RFC1: variants seen among roughly 807,000 people sequenced by gnomAD.
The protein encoded by RFC1 is replication factor C subunit 1.
Under a neutral mutation model 137.4 loss-of-function variants are expected in RFC1, and 37 were observed. That is an observed-to-expected ratio of 0.27 (90% CI 0.21 to 0.35). The LOEUF is 0.35. Among genes scored for constraint, RFC1 ranks in the 10% least tolerant of loss-of-function variants. RFC1 has a pLI of 1.00. For synonymous variants in RFC1, 429 were observed against 455.7 expected (o/e 0.94, Z 0.75); for missense variants, 1,205 against 1,358.5 (o/e 0.89, Z 1.78).
chr4:39,366,268 T>A lies in RFC1; in HGVS notation c.-27A>T. 1 of 1,533,222 alleles carries A rather than the reference T, an allele frequency of 6.5e-7. No homozygotes were observed. Among genetic ancestry groups the A allele is most frequent in the Non-Finnish European group, 8.8e-7 (1 of 1,139,298 alleles). The allele number at this position is 1,533,222 out of a possible 1,614,324, so 95.0% of individuals were successfully genotyped here. On this transcript the variant is annotated 5_prime_UTR_variant, in exon 1 of 25. Transcript: ENST00000349703. Reference sequence around the variant, plus strand: ...GCAGCCCCAGGATGAAGGCGCTGGCTGGCTGGCGGGTGGGCCGGTTGAGGA... The same window carrying A: ...GCAGCCCCAGGATGAAGGCGCTGGCAGGCTGGCGGGTGGGCCGGTTGAGGA...
rs757891211 is a variant in RFC1, at chr4:39,323,389, T to C, written c.671A>G (p.Glu224Gly). 78 of 1,614,096 alleles carry C rather than the reference T, an allele frequency of 4.8e-5. No homozygotes were observed. Among genetic ancestry groups the C allele is most frequent in the Non-Finnish European group, 6.4e-5 (76 of 1,179,974 alleles). ...CAACATGGCTAATGTTCTGGCAAAC[T>C]CTTCATCTTCATGCAACTGCCTCTC... ...ELERQLHEDE[E>G]FARTLAMLDE... The change falls in exon 7 of 25, where the codon GAG (glutamate) becomes GGG (glycine). Residue 224 changes from glutamate (E) to glycine (G), a missense_variant. By Grantham distance (98) the Glu-to-Gly change is moderately conservative. Transcript: ENST00000349703.
chr4:39,321,135 A>G, intron 8 of RFC1, 152 bp downstream of exon 8: 1 of 600,312 alleles, frequency 1.7e-6, no homozygotes, highest in South Asian at 2.5e-5. Context: ...AAGAGCTTTC[A>G]AAGTTTCTAA....
intron 7 of RFC1, chr4:39,322,174 G>A (rs1739551667): frequency 6.6e-6 from 1 of 152,148 alleles, no homozygotes; most frequent in African/African-American, 2.4e-5. Context: ...ATAAGGCTGA[G>A]GCAGGCAGAT....
intron 13 of RFC1, among the ~76,000 whole-genome samples, chr4:39,307,789 G>A (rs1738759223): frequency 6.6e-6 from 1 of 151,760 alleles, no homozygotes; most frequent in Non-Finnish European, 1.5e-5. Flanking sequence ...CTCTTTTAAG[G>A]GAGATTTTAT....
Position 39,317,008 on chromosome 4 carries a change from T to C in RFC1, c.1110A>G (p.Glu370=), listed in dbSNP as rs1453325736. 6.2e-7 allele frequency: 1 copy of C among 1,613,064 alleles called. No individual in the cohort carries two copies. The highest frequency in any genetic ancestry group is 8.5e-7 in the Non-Finnish European group (1 of 1,179,202). The change falls in exon 10 of 25, where the codon GAA becomes GAG. Residue 370 remains glutamate, a synonymous_variant. Transcript: ENST00000349703. ...AATTAGTGCGTTTCTTTTCAGAATC[T>C]TCAGGACTTACAGACTTTGGGAACA... ...SPAKKESVSP[E]DSEKKRTNYQ...
intron 21 of RFC1, among the ~76,000 whole-genome samples, 160 bp downstream of exon 21, chr4:39,299,861 G>A (rs1350432112): frequency 6.6e-6 from 1 of 152,092 alleles, no homozygotes; most frequent in Admixed American, 6.5e-5. Flanking sequence ...GCTCCAGTGA[G>A]CCGAGATCAT....
At chr4:39,302,968 T>G in intron 16 of RFC1, 92 bp downstream of exon 16, 1 of 1,436,226 alleles carries the variant, frequency 7.0e-7, no homozygotes, top group Non-Finnish European at 9.8e-7. Context: ...CTCAGCAACA[T>G]GCCTTAACTG....
chr4:39,338,320 C>T (rs1371926479), intron 4 of RFC1, among the ~76,000 whole-genome samples: 2 of 152,032 alleles, frequency 1.3e-5, no homozygotes, highest in African/African-American at 4.8e-5. Context: ...ATCTGTATAA[C>T]AATAATCTAA....
chr4:39,355,697 T>C (rs566085530), intron 1 of RFC1, among the ~76,000 whole-genome samples: 143 of 152,308 alleles, frequency 9.4e-4, no homozygotes, highest in Non-Finnish European at 1.1e-3. Flanking sequence ...ATACTGCTGA[T>C]AAAAGTGAAA....
chr4:39,323,396 C>T lies in RFC1; in HGVS notation c.664G>A (p.Asp222Asn). 4 of 1,614,070 alleles carry T rather than the reference C, an allele frequency of 2.5e-6. No homozygotes were observed. Among genetic ancestry groups the T allele is most frequent in the Non-Finnish European group, 3.4e-6 (4 of 1,179,970 alleles). The change falls in exon 7 of 25, where the codon GAT becomes AAT. Residue 222 changes from aspartate to asparagine, a missense_variant. Coordinates refer to ENST00000349703, the MANE Select transcript of RFC1 (RefSeq NM_002913.5). ...DAELERQLHE[D>N]EEFARTLAML... ...GCTAATGTTCTGGCAAACTCTTCAT[C>T]TTCATGCAACTGCCTCTCCAGCTGT...
chr4:39,324,081 T>C (rs1739647797), intron 6 of RFC1, among the ~76,000 whole-genome samples: 1 of 152,212 alleles, frequency 6.6e-6, no homozygotes, highest in Non-Finnish European at 1.5e-5. Context: ...AAAGAGAATA[T>C]ATAGCAGTGG....
At chr4:39,345,588 T>C in intron 2 of RFC1, 112 bp from the exon 3 acceptor site, 1 of 756,834 alleles carries the variant, frequency 1.3e-6, no homozygotes, top group Non-Finnish European at 2.1e-6. Flanking sequence ...TGGCACGATC[T>C]CGGCTCACTG....
chr4:39,319,357 G>A (rs1309672696), intron 9 of RFC1, among the ~76,000 whole-genome samples: 5 of 152,204 alleles, frequency 3.3e-5, no homozygotes, highest in Non-Finnish European at 4.4e-5. Flanking sequence ...GGCTGGCCCT[G>A]CCACTTACCA....
At chr4:39,363,610 G>A (rs1466486277) in intron 1 of RFC1, among the ~76,000 whole-genome samples, 3 of 152,126 alleles carry the variant, frequency 2.0e-5, no homozygotes, top group African/African-American at 4.8e-5. Flanking sequence ...GAATAGGCCA[G>A]GCACAGTGGT....
intron 8 of RFC1, 79 bp from the exon 9 acceptor site, chr4:39,320,748 G>A: frequency 1.5e-6 from 2 of 1,378,198 alleles, no homozygotes; most frequent in Non-Finnish European, 9.7e-7. Context: ...TTTTTCAACT[G>A]AGTAATCTTA....
chr4:39,323,484 G>A, intron 6 of RFC1, 67 bp from the exon 7 acceptor site: 1 of 1,287,306 alleles, frequency 7.8e-7, no homozygotes, highest in Non-Finnish European at 1.1e-6. Flanking sequence ...ATTTTTAAAT[G>A]TCTGATTCAT....
chr4:39,352,452 C>T lies in RFC1; in HGVS notation c.4-976G>A, dbSNP rs4974937. 7.7e-3 allele frequency among the ~76,000 whole-genome samples: 1,166 copies of T among 152,286 alleles called. 50 individuals carry two copies. Among genetic ancestry groups the T allele is most frequent in the Admixed American group, 0.071 (1,079 of 15,296 alleles). On this transcript the variant is annotated intron_variant, in intron 1 of 24. Transcript: ENST00000349703. ...CTTTTCCTAACCTTTGCATAGTCTT[C>T]CCCACCTCTCTAAAATTTAGTTTAA... is the stretch of plus-strand genomic sequence containing the variant.
At chr4:39,319,354 C>A (rs978151839) in intron 9 of RFC1, among the ~76,000 whole-genome samples, 1 of 152,104 alleles carries the variant, frequency 6.6e-6, no homozygotes, top group Non-Finnish European at 1.5e-5. Context: ...CAAGGCTGGC[C>A]CTGCCACTTA....
chr4:39,363,624 T>C (rs1741867322), intron 1 of RFC1, among the ~76,000 whole-genome samples: 1 of 152,236 alleles, frequency 6.6e-6, no homozygotes, highest in Non-Finnish European at 1.5e-5. Flanking sequence ...CAGTGGTTCA[T>C]GCCTGTAATC....
Sources: gnomAD v4.1 joint callset for allele counts (sites outside exome capture counted in the v4.1 genomes callset) on GRCh38, gnomAD v4.1.1 for gene constraint, MANE v1.5 for transcripts, NCBI Gene and HGNC (gene_info 2026-07-23, HGNC 2026-07-21) for gene names.